Variants in KCNQ1OT1 observed in about 807,000 individuals in gnomAD.
KCNQ1OT1 encodes the protein KCNQ1 opposite strand/antisense transcript 1.
exon 1 of KCNQ1OT1, chr11:2,630,087 A>C (rs1160570657): frequency 2.5e-6 from 1 of 398,398 alleles, no homozygotes; most frequent in Non-Finnish European, 4.4e-6. Context: ...GTTGCAGTAC[A>C]TTCCTTCTAT....
At position 2,620,478 on chromosome 11, in the gene KCNQ1OT1, A is replaced by G; in HGVS notation, n.79517T>C. 2 of 343,440 alleles carry G rather than the reference A, an allele frequency of 5.8e-6. No homozygotes were observed. The highest frequency in any genetic ancestry group is 1.0e-5 in the Non-Finnish European group (2 of 192,542). The allele number at this position is 343,440 out of a possible 1,614,324, so 21.3% of individuals were successfully genotyped here. A position where few individuals can be genotyped will look rare whatever the true frequency, so the allele number is the denominator to read the frequency against. On this transcript the variant is annotated non_coding_transcript_exon_variant, in exon 1 of 1. Coordinates refer to ENST00000597346, the Ensembl canonical transcript of KCNQ1OT1. The surrounding 1 kb of genome is among the most constrained non-coding windows in gnomAD (Gnocchi z 4.5). ...TGATCCACCCGCCTTGGCCTCCCAA[A>G]GTGCTGGGATTACAGGTGAGAGCTA... is the stretch of plus-strand genomic sequence containing the variant.
Position 2,645,615 on chromosome 11 carries a change from G to T in KCNQ1OT1, n.54380C>A. Reference sequence around the variant, plus strand: ...GCTTCGGCCCCAGGTGGTGACTATGGGCAGGGTCACCTTTCCTCATGGCAG... The same window carrying T: ...GCTTCGGCCCCAGGTGGTGACTATGTGCAGGGTCACCTTTCCTCATGGCAG... On this transcript the variant is annotated non_coding_transcript_exon_variant, in exon 1 of 1. Transcript: ENST00000597346. The surrounding 1 kb of genome is among the most constrained non-coding windows in gnomAD (Gnocchi z 5.8). 2.5e-6 allele frequency: 1 copy of T among 398,740 alleles called. No individual in the cohort carries two copies. Among genetic ancestry groups the T allele is most frequent in the South Asian group, 1.3e-4 (1 of 7,862 alleles). 24.7% of individuals were successfully genotyped at this position (398,740 alleles called of 1,614,324 possible).
rs1021837549 is a variant in KCNQ1OT1 at position 2,647,262 on chromosome 11, T to C, written n.52733A>G. 7 of 398,562 alleles carry C rather than the reference T, an allele frequency of 1.8e-5. No individual in the cohort carries two copies. Among genetic ancestry groups the C allele is most frequent in the African/African-American group, 1.4e-4 (7 of 48,772 alleles). 24.7% of individuals were successfully genotyped at this position (398,562 alleles called of 1,614,324 possible). A position where few individuals can be genotyped will look rare whatever the true frequency, so the allele number is the denominator to read the frequency against. On this transcript the variant is annotated non_coding_transcript_exon_variant, in exon 1 of 1. Coordinates refer to ENST00000597346, the Ensembl canonical transcript of KCNQ1OT1. This position sits in a 1 kb window ranked among gnomAD's most constrained non-coding sequence, Gnocchi z 4.0. ...ATTTTTTTGTCCTTCCTTCTGTTAA[T>C]GTGATGTATCACATTTATTGATTTG...
At position 2,648,508 on chromosome 11, in the gene KCNQ1OT1, A is replaced by G. The variant is rs978975110; in HGVS notation, n.51487T>C. Reference sequence around the variant, plus strand: ...TGTTTCAAAGAATTTTTAAATTTTTAAAATCAATTTCTTCATAGACACAGT... The same window carrying G: ...TGTTTCAAAGAATTTTTAAATTTTTGAAATCAATTTCTTCATAGACACAGT... On this transcript the variant is annotated non_coding_transcript_exon_variant, in exon 1 of 1. Transcript: ENST00000597346. 7.5e-6 allele frequency: 3 copies of G among 398,352 alleles called. No individual in the cohort carries two copies. The South Asian group carries it at 3.8e-4, about 51-fold the overall frequency. The allele number at this position is 398,352 out of a possible 1,614,324, so 24.7% of individuals were successfully genotyped here.
rs145736911 is a variant in KCNQ1OT1 at position 2,692,660 on chromosome 11, C to T, written n.7335G>A. 3,864 of 398,686 alleles carry T rather than the reference C, an allele frequency of 9.7e-3. 44 individuals carry two copies. The highest frequency in any genetic ancestry group is 0.018 in the South Asian group (141 of 7,860). The allele number at this position is 398,686 out of a possible 1,614,324, so 24.7% of individuals were successfully genotyped here. A position where few individuals can be genotyped will look rare whatever the true frequency, so the allele number is the denominator to read the frequency against. On this transcript the variant is annotated non_coding_transcript_exon_variant, in exon 1 of 1. Coordinates refer to ENST00000597346, the Ensembl canonical transcript of KCNQ1OT1. ...CTCAGCACTCCCCTCAGGGTGCAAA[C>T]GGTCCTTCAACATTAGTTAGTCTTT...
At chr11:2,696,508 T>C (rs1850679380) in exon 1 of KCNQ1OT1, 2 of 398,568 alleles carry the variant, frequency 5.0e-6, no homozygotes, top group Admixed American at 8.8e-5. Context: ...GCAGAAGTCC[T>C]CTGCTCTCCT....
Position 2,657,026 on chromosome 11 carries a change from C to T in KCNQ1OT1, n.42969G>A. On this transcript the variant is annotated non_coding_transcript_exon_variant, in exon 1 of 1. Transcript: ENST00000597346. This position sits in a 1 kb window ranked among gnomAD's most constrained non-coding sequence, Gnocchi z 4.8. ...CAGGCCACCTCTGATACACAGCAAGCTTCCATATTTGTGTGGGCTGTTTCC... is the reference window on the plus strand; with the variant it reads ...CAGGCCACCTCTGATACACAGCAAGTTTCCATATTTGTGTGGGCTGTTTCC... The T allele has an allele frequency of 2.5e-6, 1 of 398,646 alleles. No homozygotes were observed. The highest frequency in any genetic ancestry group is 6.3e-4 in the Middle Eastern group (1 of 1,588). The allele number at this position is 398,646 out of a possible 1,614,324, so 24.7% of individuals were successfully genotyped here. A position where few individuals can be genotyped will look rare whatever the true frequency, so the allele number is the denominator to read the frequency against.
Position 2,664,332 on chromosome 11 carries a change from C to A in KCNQ1OT1, n.35663G>T. 2.5e-6 allele frequency: 1 copy of A among 398,894 alleles called. No individual in the cohort carries two copies. Among genetic ancestry groups the A allele is most frequent in the Non-Finnish European group, 4.4e-6 (1 of 226,264 alleles). The allele number at this position is 398,894 out of a possible 1,614,324, so 24.7% of individuals were successfully genotyped here. On this transcript the variant is annotated non_coding_transcript_exon_variant, in exon 1 of 1. Transcript: ENST00000597346. This position sits in a 1 kb window ranked among gnomAD's most constrained non-coding sequence, Gnocchi z 5.1. ...GGTCAGGGAAGACTCAGGGCTGAGG[C>A]TTCAGGGGAGCTGGGTTCCTGCATC...
chr11:2,638,222 G>A (rs904142369), exon 1 of KCNQ1OT1: 2 of 152,146 alleles, frequency 1.3e-5, no homozygotes, highest in Non-Finnish European at 2.9e-5. Flanking sequence ...CCATTATGAT[G>A]TTAGCTGGTT....
In KCNQ1OT1 at chr11:2,611,643, A is replaced by G. The variant is rs938520756; in HGVS notation, n.88352T>C. On this transcript the variant is annotated non_coding_transcript_exon_variant, in exon 1 of 1. Transcript: ENST00000597346. This position sits in a 1 kb window ranked among gnomAD's most constrained non-coding sequence, Gnocchi z 5.3. ...ACTCTTATAGACCATATATATTTGG[A>G]TCCTGCTTTTAAGGCAGTCTGGCAA... 1 of 398,434 alleles carries G rather than the reference A, an allele frequency of 2.5e-6. No homozygotes were observed. Among genetic ancestry groups the G allele is most frequent in the African/African-American group, 2.1e-5 (1 of 48,604 alleles). The allele number at this position is 398,434 out of a possible 1,614,324, so 24.7% of individuals were successfully genotyped here.
In KCNQ1OT1 at chr11:2,695,899, T is replaced by C. The variant is rs1011293960; in HGVS notation, n.4096A>G. ...CCTGCAAACTGGCAATCTTCCTACC[T>C]TTTTCTTAATGATTTGTGGTGCTTT... On this transcript the variant is annotated non_coding_transcript_exon_variant, in exon 1 of 1. Transcript: ENST00000597346. This position sits in a 1 kb window ranked among gnomAD's most constrained non-coding sequence, Gnocchi z 5.2. The C allele has an allele frequency of 1.3e-5, 5 of 398,560 alleles. No homozygotes were observed. In the East Asian group the frequency reaches 1.4e-4, roughly 11 times the overall value. The allele number at this position is 398,560 out of a possible 1,614,324, so 24.7% of individuals were successfully genotyped here. A position where few individuals can be genotyped will look rare whatever the true frequency, so the allele number is the denominator to read the frequency against.
exon 1 of KCNQ1OT1, chr11:2,640,488 G>C: frequency 2.5e-6 from 1 of 397,704 alleles, no homozygotes; most frequent in Non-Finnish European, 4.4e-6. Flanking sequence ...GTCGTGCATT[G>C]TTGCCCAGGC....
At chr11:2,644,452 G>A (rs7108035) in exon 1 of KCNQ1OT1, 356,514 of 398,248 alleles carry the variant, frequency 0.9, 159,838 homozygotes, top group East Asian at 0.99. Flanking sequence ...TATCTCTTGG[G>A]CAAATTTCTC....
At chr11:2,675,127 C>T in exon 1 of KCNQ1OT1, 1 of 398,656 alleles carries the variant, frequency 2.5e-6, no homozygotes, top group Non-Finnish European at 4.4e-6. Flanking sequence ...TCACTAGCCT[C>T]TTTCTCCCAT....
chr11:2,609,893 T>C (rs1848950229), exon 1 of KCNQ1OT1: 1 of 398,022 alleles, frequency 2.5e-6, no homozygotes, highest in African/African-American at 2.1e-5. Flanking sequence ...TTACTTTCAG[T>C]TGGCATTTAT....
exon 1 of KCNQ1OT1, chr11:2,692,401 A>T: frequency 2.5e-6 from 1 of 398,728 alleles, no homozygotes; most frequent in Non-Finnish European, 4.4e-6. Context: ...CCAATCAATT[A>T]TCTACTCAGT....
exon 1 of KCNQ1OT1, chr11:2,631,400 C>T (rs1849350702): frequency 1.0e-5 from 4 of 398,276 alleles, no homozygotes; most frequent in Non-Finnish European, 1.8e-5. Context: ...ATTTCATGCA[C>T]TATATTCTTC....
chr11:2,611,022 C>T lies in KCNQ1OT1; in HGVS notation n.88973G>A, dbSNP rs1220056029. ...TCTATTATTGTTCAGTTGTCTGTTT[C>T]TCTCTTCATTTCTGACAGTTTTATT... On this transcript the variant is annotated non_coding_transcript_exon_variant, in exon 1 of 1. Coordinates refer to ENST00000597346, the Ensembl canonical transcript of KCNQ1OT1. The surrounding 1 kb of genome is among the most constrained non-coding windows in gnomAD (Gnocchi z 5.3). The T allele has an allele frequency of 3.5e-5, 14 of 398,328 alleles. No individual in the cohort carries two copies. The East Asian group carries it at 4.3e-4, about 12-fold the overall frequency. 24.7% of individuals were successfully genotyped at this position (398,328 alleles called of 1,614,324 possible).
At chr11:2,688,038 A>G (rs1157699292) in exon 1 of KCNQ1OT1, 10 of 398,118 alleles carry the variant, frequency 2.5e-5, no homozygotes, top group Admixed American at 8.8e-5. Context: ...GCAGGCACAC[A>G]CTCCACTCAG....
Sources: allele counts gnomAD v4.1 joint callset, GRCh38; gene constraint gnomAD v4.1.1; non-coding constraint Gnocchi (gnomAD v3.1); transcripts MANE v1.5; gene names NCBI Gene and HGNC (gene_info 2026-07-23, HGNC 2026-07-21).